The following KIR2DL4 variants were observed in gnomAD, a reference collection of about 807,000 sequenced individuals.
The protein encoded by KIR2DL4 is killer cell immunoglobulin-like receptor 2DL4.
Under a neutral mutation model 31.0 loss-of-function variants are expected in KIR2DL4, and 41 were observed. That is an observed-to-expected ratio of 1.32 (90% confidence interval 1.03 to 1.72). KIR2DL4 has a LOEUF of 1.72. Ranked by LOEUF, KIR2DL4 falls within the 40% of genes most tolerant of loss-of-function variation. KIR2DL4 has a pLI of 0.00. For synonymous variants in KIR2DL4, 164 were observed against 133.6 expected, an observed-to-expected ratio of 1.23 and a Z score of -1.57; for missense variants, 438 against 353.7, an observed-to-expected ratio of 1.24 and a Z score of -1.91.
chr19:54,807,661 C>A (rs1393907320), intron 4 of KIR2DL4, among the ~76,000 whole-genome samples: 4 of 149,528 alleles, frequency 2.7e-5, no homozygotes, highest in Non-Finnish European at 4.4e-5. Flanking sequence ...TGGTCTCGAA[C>A]TCTTGACCTC....
chr19:54,813,327 G>C (rs2060989732), intron 6 of KIR2DL4: 1 of 1,551,320 alleles, frequency 6.4e-7, no homozygotes, highest in Admixed American at 2.1e-5. Flanking sequence ...GAAAGTCTCT[G>C]GCCCAAGGCA....
exon 6 of KIR2DL4, chr19:54,813,195 C>G (rs374767973): frequency 2.6e-6 from 4 of 1,535,528 alleles, no homozygotes; most frequent in Non-Finnish European, 3.5e-6. Context: ...TCCTTCCCTT[C>G]TTTCTCCTTC....
chr19:54,806,130 G>C (rs546044168), exon 4 of KIR2DL4: 3 of 1,611,980 alleles, frequency 1.9e-6, no homozygotes, highest in Non-Finnish European at 2.5e-6. Context: ...ATTCCAGGCC[G>C]ACTTCCCTCT....
rs1384995820 is a variant in KIR2DL4 at position 54,813,403 on chromosome 19, C to A, written c.810+175C>A. ...CCTGCCCCTGCCTTCAGCTCACAGACCGTTGCCTGATTGTGAACTGTATCC... is the reference window on the plus strand; with the variant it reads ...CCTGCCCCTGCCTTCAGCTCACAGAACGTTGCCTGATTGTGAACTGTATCC... On this transcript the variant is annotated intron_variant, in intron 6 of 7. Transcript: ENST00000359085. The A allele has an allele frequency of 1.3e-4, 125 of 939,434 alleles. 6 individuals are homozygous for A. The African/African-American group carries it at 2.1e-3, about 16-fold the overall frequency. The allele number at this position is 939,434 out of a possible 1,614,324, so 58.2% of individuals were successfully genotyped here. A position where few individuals can be genotyped will look rare whatever the true frequency, so the allele number is the denominator to read the frequency against.
intron 2 of KIR2DL4, 31 bp from the exon 3 acceptor site, chr19:54,804,762 C>G (rs1242076947): frequency 6.2e-7 from 1 of 1,603,634 alleles, no homozygotes; most frequent in African/African-American, 1.4e-5. Flanking sequence ...CAACATACTC[C>G]TCTCTGAGGC....
intron 2 of KIR2DL4, 142 bp from the exon 3 acceptor site, chr19:54,804,651 G>A (rs1471591211): frequency 3.4e-5 from 27 of 802,614 alleles, no homozygotes; most frequent in Non-Finnish European, 5.0e-5. Flanking sequence ...ACGTCTATGC[G>A]GGATGGGTCC....
intron 6 of KIR2DL4, chr19:54,813,277 G>T: frequency 6.3e-7 from 1 of 1,598,786 alleles, no homozygotes; most frequent in Non-Finnish European, 8.5e-7. Flanking sequence ...CTGTGCGGAA[G>T]CAGGATGGGA....
exon 8 of KIR2DL4, chr19:54,813,886 G>T (rs2061039857): frequency 3.7e-6 from 6 of 1,612,304 alleles, no homozygotes; most frequent in Non-Finnish European, 5.1e-6. Context: ...ACGCACAGTT[G>T]GATCACTGCA....
At chr19:54,810,042 A>T (rs1226625713) in intron 5 of KIR2DL4, among the ~76,000 whole-genome samples, 1 of 149,818 alleles carries the variant, frequency 6.7e-6, no homozygotes, top group Non-Finnish European at 1.5e-5. Flanking sequence ...ATTAAATGGG[A>T]GGGCAGAAAA....
chr19:54,813,994 A>G (rs2061052810), exon 8 of KIR2DL4: 1 of 1,612,382 alleles, frequency 6.2e-7, no homozygotes, highest in Non-Finnish European at 8.5e-7. Flanking sequence ...CTGAGCCCAG[A>G]GCGTTGTCTC....
exon 8 of KIR2DL4, chr19:54,814,042 T>G (rs2061059592): frequency 3.7e-6 from 6 of 1,612,292 alleles, no homozygotes; most frequent in Non-Finnish European, 5.1e-6. Flanking sequence ...TGATGGGATC[T>G]TCTAGGGAGA....
At chr19:54,805,137 GT>G (rs1039106974) in intron 3 of KIR2DL4, 60 bp downstream of exon 3, 2 of 1,498,820 alleles carry the variant, frequency 1.3e-6, no homozygotes, top group East Asian at 4.6e-5. Context: ...AGAGCTTCTG[GT>G]GGGGGTGTCC....
exon 4 of KIR2DL4, chr19:54,806,046 G>C: frequency 6.2e-7 from 1 of 1,611,654 alleles, no homozygotes. Flanking sequence ...GAGCTCCTTT[G>C]ACATCTACCA....
intron 5 of KIR2DL4, among the ~76,000 whole-genome samples, chr19:54,810,767 A>G (rs1428162344): frequency 6.6e-6 from 1 of 150,920 alleles, no homozygotes; most frequent in Non-Finnish European, 1.5e-5. Context: ...CTCGGGGCTA[A>G]CTGGGAATCC....
Position 54,806,256 on chromosome 19 carries a change from C to G in KIR2DL4, c.655+12C>G. On this transcript the variant is annotated intron_variant, in intron 4 of 7. Transcript: ENST00000359085. ...TGTTTCTGTCACAGGTGAGGAAAGC[C>G]AATGTCTGTCCCATGTCCTATGGTC... 2 of 1,606,406 alleles carry G rather than the reference C, an allele frequency of 1.2e-6. No individual in the cohort carries two copies. Among genetic ancestry groups the G allele is most frequent in the Non-Finnish European group, 8.5e-7 (1 of 1,176,690 alleles).
rs1196393961 is a variant in KIR2DL4, at chr19:54,813,717, C to T, written c.*16C>T. 4.3e-6 allele frequency: 7 copies of T among 1,611,752 alleles called. No homozygotes were observed. In the Admixed American group the frequency reaches 5.0e-5, roughly 12 times the overall value. ...GCTGCTGTAATGAACCAAGAGCCTGCGGGACACAGAACAGTGAACAGGGAG... is the reference window on the plus strand; with the variant it reads ...GCTGCTGTAATGAACCAAGAGCCTGTGGGACACAGAACAGTGAACAGGGAG... On this transcript the variant is annotated 3_prime_UTR_variant, in exon 7 of 8. Transcript: ENST00000359085.
intron 3 of KIR2DL4, 141 bp downstream of exon 3, chr19:54,805,218 G>A (rs1239963431): frequency 1.2e-6 from 1 of 802,034 alleles, no homozygotes; most frequent in Non-Finnish European, 1.9e-6. Context: ...GGGAATGGGT[G>A]CTGTGTTGGA....
chr19:54,813,958 C>A (rs2061047516), exon 8 of KIR2DL4: 5 of 1,612,348 alleles, frequency 3.1e-6, no homozygotes, highest in Non-Finnish European at 4.2e-6. Context: ...CAACAGATAC[C>A]AGCGTGTGTA....
chr19:54,804,161 C>T (rs598452), intron 2 of KIR2DL4, among the ~76,000 whole-genome samples: 65,385 of 120,334 alleles, frequency 0.54, 18,436 homozygotes, highest in Non-Finnish European at 0.58. Context: ...ATGCTCAGCC[C>T]TCTGTTTTGT....
Sources: gnomAD v4.1 joint callset for allele counts (sites outside exome capture counted in the v4.1 genomes callset) on GRCh38, gnomAD v4.1.1 for gene constraint, MANE v1.5 for transcripts, NCBI Gene and HGNC (gene_info 2026-07-23, HGNC 2026-07-21) for gene names.